Variants in MICAL2 observed in about 807,000 individuals in gnomAD.
MICAL2 encodes the protein [F-actin]-monooxygenase MICAL2.
Under a neutral mutation model 127.3 loss-of-function variants are expected in MICAL2, and 77 were observed. The observed-to-expected ratio is 0.60, with a 90% CI of 0.50 to 0.73. The LOEUF (loss-of-function observed/expected upper bound fraction) is 0.73. Ranked by LOEUF, MICAL2 falls within the 30% of genes least tolerant of loss-of-function variation. The pLI is 0.00. For missense variants in MICAL2, 1,351 were observed against 1,434.4 expected (o/e 0.94, Z 0.94); for synonymous variants, 570 against 551.1 (o/e 1.03, Z -0.48).
chr11:12,333,221 G>C (rs760504038), intron 32 of MICAL2, among the ~76,000 whole-genome samples: 1 of 152,158 alleles, frequency 6.6e-6, no homozygotes, highest in Non-Finnish European at 1.5e-5. Context: ...AATCCCGTTA[G>C]TTTTTAAATC....
At chr11:12,341,108 A>C (rs911059190) in intron 32 of MICAL2, among the ~76,000 whole-genome samples, 1 of 152,210 alleles carries the variant, frequency 6.6e-6, no homozygotes, top group Non-Finnish European at 1.5e-5. Flanking sequence ...AGGTCTGTGC[A>C]TGAGCTCCAG....
At chr11:12,181,497 C>A (rs376337981) in intron 3 of MICAL2, among the ~76,000 whole-genome samples, 2 of 152,164 alleles carry the variant, frequency 1.3e-5, no homozygotes, top group African/African-American at 4.8e-5. Context: ...CAAAATCCAT[C>A]CAGCCAAGAA....
At chr11:12,123,827 C>T (rs1158808907) in intron 1 of MICAL2, among the ~76,000 whole-genome samples, 2 of 152,098 alleles carry the variant, frequency 1.3e-5, no homozygotes, top group Non-Finnish European at 2.9e-5. Context: ...TGTGGTTTTC[C>T]TCTGAACATG....
In MICAL2 at chr11:12,319,835, G is replaced by C. The variant is rs184361958; in HGVS notation, c.5328+24G>C. ...AGGTAACAACACTTGACCAGCCAAA[G>C]AGGGCCTTGGCTGGTGGGGGCTGCT... On this transcript the variant is annotated intron_variant, in intron 30 of 34. Coordinates refer to the MICAL2 transcript ENST00000646065. The C allele has an allele frequency of 3.7e-5, 59 of 1,582,772 alleles. No homozygotes were observed. In the East Asian group the frequency reaches 1.3e-3, roughly 35 times the overall value.
chr11:12,249,234 A>G lies in MICAL2; in HGVS notation c.2835A>G (p.Thr945=). 1 of 1,594,388 alleles carries G rather than the reference A, an allele frequency of 6.3e-7. No homozygotes were observed. Among genetic ancestry groups the G allele is most frequent in the South Asian group, 1.1e-5 (1 of 90,556 alleles). ...GFHFHPSHLR[T]VHPQLTVGKV... ...ATTTTCATCCCAGCCATTTGAGAAC[A>G]GTGCATCCTCAGGTGAGTTAGAGCC... The change falls in exon 22 of 28, where the codon ACA becomes ACG. Residue 945 remains threonine, a synonymous_variant. Coordinates refer to ENST00000683283, the MANE Select transcript of MICAL2 (RefSeq NM_001282663.2).
At chr11:12,261,884 TTTTG>T (rs1863163681) in intron 26 of MICAL2, 1 of 986,130 alleles carries the variant, frequency 1.0e-6, no homozygotes, top group Non-Finnish European at 1.2e-6. Context: ...CCTTGATTCC[TTTTG>T]TTTGAGTATA....
At chr11:12,268,015 C>T (rs974893825), downstream of MICAL2, among the ~76,000 whole-genome samples, 3 of 152,182 alleles carry the variant, frequency 2.0e-5, no homozygotes, top group Admixed American at 6.5e-5. Flanking sequence ...TGTATAACCC[C>T]GACAGAATTG....
In MICAL2 at chr11:12,336,781, C is replaced by T. The variant is rs1483839683; in HGVS notation, c.5515+9515C>T. Among the ~76,000 whole-genome samples the T allele has an allele frequency of 2.0e-5, 3 of 152,116 alleles. No individual in the cohort carries two copies. The East Asian group carries it at 5.8e-4, about 29-fold the overall frequency. On this transcript the variant is annotated intron_variant, in intron 32 of 34. Coordinates refer to the MICAL2 transcript ENST00000646065. The stretch of plus-strand genomic sequence containing the variant: ...TATTGATTTTCATATGTTGAACCAG[C>T]CTTGCATCCCAGGGATGAAGCTGAC...
intron 2 of MICAL2, among the ~76,000 whole-genome samples, chr11:12,157,842 A>G (rs1261869873): frequency 6.6e-6 from 1 of 152,192 alleles, no homozygotes; most frequent in African/African-American, 2.4e-5. Flanking sequence ...TTCCCAGTTC[A>G]TTCCCAGCAC....
chr11:12,311,498 G>A (rs762996725), intron 29 of MICAL2, among the ~76,000 whole-genome samples: 5 of 152,094 alleles, frequency 3.3e-5, no homozygotes, highest in Non-Finnish European at 5.9e-5. Context: ...TGCAACCTCT[G>A]CCTCTGGGGT....
chr11:12,198,692 A>G (rs1026809042), intron 3 of MICAL2, among the ~76,000 whole-genome samples: 1 of 152,128 alleles, frequency 6.6e-6, no homozygotes, highest in African/African-American at 2.4e-5. Flanking sequence ...GACTGCGGCT[A>G]CCAGGAAGAC....
At chr11:12,121,387 A>G (rs1442224509) in intron 1 of MICAL2, 2 of 152,628 alleles carry the variant, frequency 1.3e-5, no homozygotes, top group African/African-American at 4.8e-5. Context: ...GCAGGAACCC[A>G]GCTGACCACC....
chr11:12,163,114 TA>T (rs1296957651), intron 3 of MICAL2, among the ~76,000 whole-genome samples: 3 of 152,140 alleles, frequency 2.0e-5, no homozygotes, highest in Non-Finnish European at 4.4e-5. Flanking sequence ...ACCACACTCA[TA>T]GTTAAGCCTA....
At chr11:12,220,943 A>G (rs1293356648) in intron 9 of MICAL2, among the ~76,000 whole-genome samples, 1 of 152,256 alleles carries the variant, frequency 6.6e-6, no homozygotes, top group Non-Finnish European at 1.5e-5. Context: ...CTTAGATTAA[A>G]TGAATGTTTT....
chr11:12,111,358 C>T (rs1020270706), intron 1 of MICAL2, among the ~76,000 whole-genome samples: 5 of 152,210 alleles, frequency 3.3e-5, no homozygotes, highest in Non-Finnish European at 5.9e-5. Context: ...TCGCTCCAGG[C>T]CCAGGAGCAC....
chr11:12,193,457 G>A (rs760083758), intron 3 of MICAL2, among the ~76,000 whole-genome samples: 1 of 152,218 alleles, frequency 6.6e-6, no homozygotes, highest in Non-Finnish European at 1.5e-5. Context: ...CCCTTCTATA[G>A]AGGCCAGCCT....
intron 3 of MICAL2, among the ~76,000 whole-genome samples, chr11:12,182,631 G>A (rs1388547458): frequency 6.6e-6 from 1 of 152,190 alleles, no homozygotes; most frequent in Non-Finnish European, 1.5e-5. Context: ...TAAATGCACT[G>A]TGATTCTACG....
chr11:12,218,720 A>G (rs1856481082), intron 8 of MICAL2, among the ~76,000 whole-genome samples: 2 of 152,144 alleles, frequency 1.3e-5, no homozygotes, highest in African/African-American at 4.8e-5. Context: ...TGCTGGATGC[A>G]ATTTGGGCGG....
chr11:12,321,973 A>C (rs981228859), intron 30 of MICAL2, among the ~76,000 whole-genome samples: 1 of 152,036 alleles, frequency 6.6e-6, no homozygotes, highest in Non-Finnish European at 1.5e-5. Flanking sequence ...GGCAGTATAG[A>C]CCAAATGAAA....
Sources: gnomAD v4.1 joint callset for allele counts (sites outside exome capture counted in the v4.1 genomes callset) on GRCh38, gnomAD v4.1.1 for gene constraint, MANE v1.5 for transcripts, NCBI Gene and HGNC (gene_info 2026-07-23, HGNC 2026-07-21) for gene names.